CRTC1: variants seen among roughly 807,000 people sequenced by gnomAD.
The protein encoded by CRTC1 is CREB regulated transcription coactivator 1.
Under a neutral mutation model 66.1 loss-of-function variants are expected in CRTC1, and 18 were observed. That is an observed-to-expected ratio of 0.27 (90% CI 0.19 to 0.40). CRTC1 has a LOEUF of 0.40. CRTC1 is among the 10% of genes least tolerant of loss of function. CRTC1 has a pLI of 1.00. For synonymous variants in CRTC1, 416 were observed against 398.8 expected, an observed-to-expected ratio of 1.04 and a Z score of -0.51; for missense variants, 669 against 887.9, an observed-to-expected ratio of 0.75 and a Z score of 3.13.
chr19:18,720,069 A>G (rs2053589520), intron 1 of CRTC1, among the ~76,000 whole-genome samples: 1 of 152,276 alleles, frequency 6.6e-6, no homozygotes, highest in Admixed American at 6.5e-5. Flanking sequence ...CTGTTCCCCC[A>G]GCTACAAATA....
rs1328675477 is a variant in CRTC1, at chr19:18,691,201, AAAAAG to A, written c.126+7378_126+7382del. On this transcript the variant is annotated intron_variant, in intron 1 of 13. Transcript: ENST00000321949. ...AGTGAGATCCTGTCTCAAAAAAAAA[AAAAAG>A]AAAAAGAAAAAGGAAAAGATGGAGG... 3.3e-4 allele frequency among the ~76,000 whole-genome samples: 50 copies of A among 150,840 alleles called. 1 individual carries two copies. The highest frequency in any genetic ancestry group is 2.0e-3 in the East Asian group (10 of 5,090).
At chr19:18,736,237 T>TCCCTCTG (rs986721862) in intron 1 of CRTC1, among the ~76,000 whole-genome samples, 1 of 152,112 alleles carries the variant, frequency 6.6e-6, no homozygotes, top group African/African-American at 2.4e-5. Context: ...CATTCCAGGG[T>TCCCTCTG]CCCTCTGCCT....
At chr19:18,705,205 C>CATTT (rs1255180576) in intron 1 of CRTC1, among the ~76,000 whole-genome samples, 1 of 152,126 alleles carries the variant, frequency 6.6e-6, no homozygotes, top group Non-Finnish European at 1.5e-5. Context: ...CTGGTTTCAC[C>CATTT]ATTTGGCTAT....
intron 1 of CRTC1, among the ~76,000 whole-genome samples, chr19:18,707,917 A>T (rs2053301995): frequency 6.6e-6 from 1 of 152,250 alleles, no homozygotes; most frequent in Non-Finnish European, 1.5e-5. Flanking sequence ...CCCCTGCCTC[A>T]GTTTCCCCAT....
At chr19:18,717,418 A>G (rs1312612693) in intron 1 of CRTC1, among the ~76,000 whole-genome samples, 1 of 151,930 alleles carries the variant, frequency 6.6e-6, no homozygotes, top group Admixed American at 6.6e-5. Flanking sequence ...CTTGCCATAG[A>G]TGCTGAGCTG....
At chr19:18,751,601 C>G (rs1333819318) in intron 5 of CRTC1, among the ~76,000 whole-genome samples, 1 of 152,134 alleles carries the variant, frequency 6.6e-6, no homozygotes, top group Non-Finnish European at 1.5e-5. Flanking sequence ...ACTTTCAGGC[C>G]CGGCTGGTTC....
chr19:18,720,839 A>G (rs1448340234), intron 1 of CRTC1, among the ~76,000 whole-genome samples: 1 of 140,628 alleles, frequency 7.1e-6, no homozygotes, highest in Admixed American at 7.3e-5. Flanking sequence ...CTGCTCATGT[A>G]CACTATGTGC....
intron 8 of CRTC1, among the ~76,000 whole-genome samples, chr19:18,762,460 C>G (rs546270353): frequency 6.6e-6 from 1 of 152,244 alleles, no homozygotes; most frequent in Non-Finnish European, 1.5e-5. Flanking sequence ...TCCCTCCTCG[C>G]AAGCCCACCC....
chr19:18,698,422 CAG>C (rs2053047854), intron 1 of CRTC1, among the ~76,000 whole-genome samples: 1 of 149,744 alleles, frequency 6.7e-6, no homozygotes, highest in Admixed American at 6.6e-5. Flanking sequence ...GCACACACAA[CAG>C]TGTGTACTCA....
intron 11 of CRTC1, among the ~76,000 whole-genome samples, chr19:18,772,483 G>T (rs942014117): frequency 6.6e-6 from 1 of 152,156 alleles, no homozygotes; most frequent in Non-Finnish European, 1.5e-5. Context: ...TGTGCCCGGG[G>T]CCCTGAAGCC....
rs2054578938 is a variant in CRTC1, at chr19:18,760,035, C to T, written c.693C>T (p.Asn231=). 1 of 1,593,396 alleles carries T rather than the reference C, an allele frequency of 6.3e-7. No homozygotes were observed. Among genetic ancestry groups the T allele is most frequent in the Non-Finnish European group, 8.6e-7 (1 of 1,163,542 alleles). ...INIFPSADQE[N]TTALIPATHN... ...TCTTCCCGTCTGCCGACCAGGAAAA[C>T]ACTACAGCCCTGATCCCCGCCACCC... The change falls in exon 8 of 14, where the codon AAC becomes AAT. Residue 231 remains asparagine, a synonymous_variant. Coordinates refer to ENST00000321949, the MANE Select transcript of CRTC1 (RefSeq NM_015321.3). The surrounding 1 kb of genome is among the most constrained non-coding windows in gnomAD (Gnocchi z 6.2).
intron 11 of CRTC1, among the ~76,000 whole-genome samples, chr19:18,774,128 A>G (rs2054930775): frequency 1.3e-5 from 2 of 151,912 alleles, no homozygotes; most frequent in African/African-American, 4.8e-5. Context: ...ACAAGGTCAC[A>G]CTGCAGCTGG....
chr19:18,691,522 CAAAAAA>C lies in CRTC1; in HGVS notation c.126+7711_126+7716del, dbSNP rs60633222. ...GGTAAAAGAGTGAGACCCTTTTCTCCAAAAAAAAAAAAAAAAAAAAAAGACAAGAAA... is the reference window on the plus strand; with the variant it reads ...GGTAAAAGAGTGAGACCCTTTTCTCCAAAAAAAAAAAAAAAAGACAAGAAA... On this transcript the variant is annotated intron_variant, in intron 1 of 13. Coordinates refer to ENST00000321949, the MANE Select transcript of CRTC1 (RefSeq NM_015321.3). 5.5e-3 allele frequency among the ~76,000 whole-genome samples: 396 copies of C among 72,638 alleles called. 2 individuals are homozygous for C. The highest frequency in any genetic ancestry group is 8.2e-3 in the Middle Eastern group (1 of 122). 47.7% of individuals were successfully genotyped at this position (72,638 alleles called of 152,430 possible). A position where few individuals can be genotyped will look rare whatever the true frequency, so the allele number is the denominator to read the frequency against.
rs576881054 is a variant in CRTC1, at chr19:18,729,746, G to GAAT, written c.127-13146_127-13144dup. ...ACACAGCAAGACCCCATCTTTAAAA[G>GAAT]AATAATAATAATAATAATAAGTTGG... On this transcript the variant is annotated intron_variant, in intron 1 of 13. Coordinates refer to ENST00000321949, the MANE Select transcript of CRTC1 (RefSeq NM_015321.3). Among the ~76,000 whole-genome samples, 793 of 151,830 alleles carry GAAT rather than the reference G, an allele frequency of 5.2e-3. 6 individuals are homozygous for GAAT. The highest frequency in any genetic ancestry group is 0.016 in the African/African-American group (662 of 41,406).
intron 13 of CRTC1, among the ~76,000 whole-genome samples, 182 bp downstream of exon 13, chr19:18,776,003 GGGCCA>G (rs55930980): frequency 2.4e-4 from 36 of 151,926 alleles, no homozygotes; most frequent in South Asian, 1.2e-3. Flanking sequence ...CCTGGGCTTC[GGGCCA>G]GGCCAGGCCA....
chr19:18,691,537 AAAAAAAAGACAAG>A (rs1272488888), intron 1 of CRTC1, among the ~76,000 whole-genome samples: 3 of 151,084 alleles, frequency 2.0e-5, no homozygotes, highest in Non-Finnish European at 4.4e-5. Context: ...AAAAAAAAAA[AAAAAAAAGACAAG>A]AAAGGACACA....
intron 1 of CRTC1, among the ~76,000 whole-genome samples, chr19:18,738,715 G>A (rs1191911087): frequency 7.2e-5 from 11 of 152,190 alleles, no homozygotes; most frequent in Admixed American, 4.6e-4. Context: ...CAGGAGAATC[G>A]CTTGAACCCA....
At chr19:18,721,940 C>T (rs566675359) in intron 1 of CRTC1, among the ~76,000 whole-genome samples, 1 of 152,348 alleles carries the variant, frequency 6.6e-6, no homozygotes, top group Non-Finnish European at 1.5e-5. Flanking sequence ...GGTCCCCCAG[C>T]CTCCTCTGGG....
chr19:18,726,572 A>C (rs1196380059), intron 1 of CRTC1, among the ~76,000 whole-genome samples: 1 of 152,204 alleles, frequency 6.6e-6, no homozygotes, highest in Non-Finnish European at 1.5e-5. Flanking sequence ...AGATGGACTT[A>C]AGTCATGATG....
Sources: gnomAD v4.1 joint callset for allele counts (sites outside exome capture counted in the v4.1 genomes callset) on GRCh38, gnomAD v4.1.1 for gene constraint, Gnocchi (gnomAD v3.1) non-coding constraint, MANE v1.5 for transcripts, NCBI Gene and HGNC (gene_info 2026-07-23, HGNC 2026-07-21) for gene names.